The following USP32 variants were observed in gnomAD, a reference collection of about 807,000 sequenced individuals.
USP32 encodes ubiquitin specific peptidase 32.
A neutral mutation model predicts 204.8 loss-of-function variants in USP32; 59 were observed. That is an observed-to-expected ratio of 0.29 (90% confidence interval 0.23 to 0.36). The LOEUF (loss-of-function observed/expected upper bound fraction) is 0.36, where lower values mean the gene tolerates loss of function less well. USP32 is among the 10% of genes least tolerant of loss of function. USP32 has a pLI of 1.00. For synonymous variants in USP32, 517 were observed against 678.4 expected (o/e 0.76, Z 3.70); for missense variants, 1,160 against 1,946.4 (o/e 0.60, Z 7.60).
chr17:60,238,643 A>G (rs2085797510), intron 11 of USP32, among the ~76,000 whole-genome samples: 1 of 152,058 alleles, frequency 6.6e-6, no homozygotes, highest in African/African-American at 2.4e-5. Flanking sequence ...TCTCTACTAA[A>G]AATACAAAAA....
intron 1 of USP32, among the ~76,000 whole-genome samples, chr17:60,411,661 C>T (rs1459096952): frequency 6.6e-6 from 1 of 151,830 alleles, no homozygotes; most frequent in East Asian, 2.0e-4. Context: ...AGGCATGCAC[C>T]ACCATGTACA....
Position 60,222,549 on chromosome 17 carries a change from C to T in USP32, c.1609G>A (p.Ala537Thr). The change falls in exon 15 of 34, where the codon GCT (alanine) becomes ACT (threonine). Residue 537 changes from alanine (A) to threonine (T), a missense_variant and splice_region_variant. This residue lies in a region of USP32 where 536 missense variants were observed against 680.9 expected (regional missense o/e 0.79). Transcript: ENST00000300896. ...QPLVTQEPVKATSLTLEGGRL... is the reference protein window; with the variant it reads ...QPLVTQEPVKTTSLTLEGGRL... ...CCTCCTTCTAGTGTTAATGATGTAG[C>T]CTGAGAAAGAATAGAATGACAATGT... 2 of 1,612,838 alleles carry T rather than the reference C, an allele frequency of 1.2e-6. No individual in the cohort carries two copies. Among genetic ancestry groups the T allele is most frequent in the Non-Finnish European group, 1.7e-6 (2 of 1,179,400 alleles).
chr17:60,376,763 C>A (rs2089552161), intron 1 of USP32, among the ~76,000 whole-genome samples: 1 of 151,938 alleles, frequency 6.6e-6, no homozygotes, highest in African/African-American at 2.4e-5. Context: ...TTCAAGTGAT[C>A]CGCCCGACTC....
At chr17:60,255,048 CTT>C (rs11324851) in intron 10 of USP32, 125 bp downstream of exon 10, 11,087 of 483,146 alleles carry the variant, frequency 0.023, no homozygotes, top group South Asian at 0.03. Context: ...TAATGTAGTT[CTT>C]TTTTTTTTTT....
chr17:60,206,998 A>G (rs2084845354), intron 25 of USP32, 23 bp downstream of exon 25: 2 of 1,598,800 alleles, frequency 1.3e-6, no homozygotes, highest in East Asian at 2.2e-5. Context: ...CAATCATGAG[A>G]AGGAGTTCTA....
chr17:60,333,698 G>A (rs769897348), intron 2 of USP32, among the ~76,000 whole-genome samples: 2 of 150,986 alleles, frequency 1.3e-5, no homozygotes, highest in Non-Finnish European at 3.0e-5. Flanking sequence ...AAAGAGAGGA[G>A]AGGAGAGGGG....
rs751266596 is a variant in USP32, at chr17:60,265,493, G to T, written c.928-19C>A. 1.3e-6 allele frequency: 2 copies of T among 1,491,436 alleles called. No homozygotes were observed. Among genetic ancestry groups the T allele is most frequent in the Non-Finnish European group, 1.9e-6 (2 of 1,078,144 alleles). 92.4% of individuals were successfully genotyped at this position (1,491,436 alleles called of 1,614,324 possible). On this transcript the variant is annotated intron_variant, in intron 8 of 33. Transcript: ENST00000300896. ...GTAATTCCTTTAAAAATAACCCAAA[G>T]GAGTAATTAGAAAACAGTGAATATA...
At chr17:60,278,180 A>G (rs1310342939) in intron 5 of USP32, among the ~76,000 whole-genome samples, 2 of 152,198 alleles carry the variant, frequency 1.3e-5, no homozygotes, top group Non-Finnish European at 2.9e-5. Flanking sequence ...CTGGGATTAC[A>G]GGCATGAGCT....
upstream of USP32, among the ~76,000 whole-genome samples, chr17:60,396,084 T>C (rs894294528): frequency 1.2e-4 from 18 of 144,566 alleles, no homozygotes; most frequent in Non-Finnish European, 2.7e-4. Context: ...TTTTTTTTTT[T>C]TTTTTTTTTT....
chr17:60,240,690 T>G (rs538566887), intron 11 of USP32, among the ~76,000 whole-genome samples: 1 of 152,188 alleles, frequency 6.6e-6, no homozygotes, highest in African/African-American at 2.4e-5. Context: ...TGAGTGTGTA[T>G]CTTGTTGTTG....
chr17:60,258,736 T>C (rs2086379712), intron 9 of USP32, among the ~76,000 whole-genome samples: 1 of 152,198 alleles, frequency 6.6e-6, no homozygotes. Context: ...TACAGGACAT[T>C]CCAAAATGAA....
Position 60,417,117 on chromosome 17 carries a change from C to T in USP32, c.106+5129G>A, listed in dbSNP as rs548745798. Among the ~76,000 whole-genome samples, 121 of 151,952 alleles carry T rather than the reference C, an allele frequency of 8.0e-4. 2 individuals carry two copies. Among genetic ancestry groups the T allele is most frequent in the Non-Finnish European group, 6.2e-4 (42 of 67,992 alleles). On this transcript the variant is annotated intron_variant, in intron 1 of 3. Coordinates refer to the USP32 transcript ENST00000588898. ...ATTTTTAGTAGAGACTGGTTTTAAC[C>T]GTGTTGGCCAGGCTGGTCTCGAACT...
chr17:60,249,065 T>TGA (rs1172361292), intron 11 of USP32: 1 of 148,400 alleles, frequency 6.7e-6, no homozygotes, highest in African/African-American at 2.6e-5. Context: ...TTCTTTTTTA[T>TGA]TATCTGTTTT....
chr17:60,233,252 G>T (rs189313037), intron 12 of USP32, among the ~76,000 whole-genome samples: 4 of 152,160 alleles, frequency 2.6e-5, no homozygotes, highest in Non-Finnish European at 5.9e-5. Flanking sequence ...AATCGCTTGA[G>T]CCCAGGAGTT....
chr17:60,327,140 C>T (rs2088260452), intron 2 of USP32, among the ~76,000 whole-genome samples: 1 of 152,112 alleles, frequency 6.6e-6, no homozygotes, highest in African/African-American at 2.4e-5. Context: ...TTAATGTTCC[C>T]AACACAAAGA....
rs192721939 is a variant in USP32, at chr17:60,200,360, G to A, written c.3250-1916C>T. The stretch of plus-strand genomic sequence containing the variant: ...GTGGATCACCTGAGGTCGGGAGTTC[G>A]AGACAGCCTGACCAACATAGAGAAA... On this transcript the variant is annotated intron_variant, in intron 26 of 33. Coordinates refer to ENST00000300896, the MANE Select transcript of USP32 (RefSeq NM_032582.4). Among the ~76,000 whole-genome samples, 16 of 152,092 alleles carry A rather than the reference G, an allele frequency of 1.1e-4. No individual in the cohort carries two copies. In the East Asian group the frequency reaches 1.9e-3, roughly 18 times the overall value.
chr17:60,347,635 G>A lies in USP32; in HGVS notation c.59-2027C>T, dbSNP rs566664549. Among the ~76,000 whole-genome samples, 261 of 151,112 alleles carry A rather than the reference G, an allele frequency of 1.7e-3. 2 individuals carry two copies. The highest frequency in any genetic ancestry group is 6.8e-3 in the Middle Eastern group (2 of 292). On this transcript the variant is annotated intron_variant, in intron 1 of 33. Transcript: ENST00000300896. The stretch of plus-strand genomic sequence containing the variant: ...CCCAAAGTGCTGGGATTACAGGCGT[G>A]AGCCACCGCGCCCGGCCTACACCTG...
rs770545534 is a variant in USP32, at chr17:60,222,481, A to G, written c.1677T>C (p.Tyr559=). ...TCCACACAGGTTCTGGGACCATTTC[A>G]TAGTCTCTTCCATGAATCAGCTGTG... ...RTPQLIHGRD[Y]EMVPEPVWRA... is the part of the protein sequence containing the mutation. Residue 559 remains tyrosine (Y), a synonymous_variant, in exon 15 of 34, where the codon TAT becomes TAC. Coordinates refer to ENST00000300896, the MANE Select transcript of USP32 (RefSeq NM_032582.4). 1.2e-5 allele frequency: 19 copies of G among 1,614,060 alleles called. No individual in the cohort carries two copies. Among genetic ancestry groups the G allele is most frequent in the African/African-American group, 6.7e-5 (5 of 74,930 alleles).
chr17:60,306,810 A>C (rs1482702146), intron 2 of USP32, among the ~76,000 whole-genome samples: 5 of 152,222 alleles, frequency 3.3e-5, no homozygotes, highest in African/African-American at 1.2e-4. Context: ...AAAAACTGTT[A>C]GAACTGATAA....
Sources: allele counts gnomAD v4.1 joint callset (sites outside exome capture counted in the v4.1 genomes callset), GRCh38; gene constraint gnomAD v4.1.1; regional missense constraint gnomAD v4.1.1; transcripts MANE v1.5; gene names NCBI Gene and HGNC (gene_info 2026-07-23, HGNC 2026-07-21).